Variants in ELF5 observed in about 807,000 individuals in gnomAD.
The protein encoded by ELF5 is ETS-related transcription factor Elf-5.
ELF5 carries 31 observed loss-of-function variants against 38.2 expected under a neutral mutation model. The observed-to-expected ratio is 0.81, with a 90% CI of 0.61 to 1.10. The LOEUF (loss-of-function observed/expected upper bound fraction) is 1.10, where lower values mean the gene tolerates loss of function less well. Among genes scored for constraint, ELF5 ranks in the 50% least tolerant of loss-of-function variants. The pLI, the probability that ELF5 is intolerant of heterozygous loss-of-function variation, is 0.00. For synonymous variants in ELF5, 121 were observed against 112.5 expected (o/e 1.08, Z -0.48); for missense variants, 300 against 306.6 (o/e 0.98, Z 0.16).
intron 1 of ELF5, among the ~76,000 whole-genome samples, chr11:34,506,729 G>T (rs1850621972): frequency 6.6e-6 from 1 of 152,080 alleles, no homozygotes; most frequent in South Asian, 2.1e-4. Flanking sequence ...GGCCAGGCTG[G>T]TCTCGAACTC....
rs12789251 is a variant in ELF5, at chr11:34,493,709, C to T, written c.125G>A (p.Cys42Tyr). 1.2e-6 allele frequency: 2 copies of T among 1,612,884 alleles called. No homozygotes were observed. Among genetic ancestry groups the T allele is most frequent in the Admixed American group, 1.7e-5 (1 of 59,992 alleles). Reference protein sequence around the residue: ...YYPAFEHQTACDSYWTSVHPE... With the variant: ...YYPAFEHQTAYDSYWTSVHPE... ...GTGGACTGATGTCCAGTATGAGTCA[C>T]AGGCTGCACCAAAGGAGAAAGAAGT... The change falls in exon 3 of 7, where the codon TGT becomes TAT. Residue 42 changes from cysteine (C) to tyrosine (Y), a missense_variant. Transcript: ENST00000257832.
Position 34,498,242 on chromosome 11 carries a change from G to A in ELF5, c.122-4530C>T, listed in dbSNP as rs76195254. ...TGGAAAGTACTTAGAACAGGGCCAG[G>A]CATATGGCAAGTGCTCATTAAATAT... On this transcript the variant is annotated intron_variant, in intron 2 of 6. Coordinates refer to ENST00000257832, the MANE Select transcript of ELF5 (RefSeq NM_001422.4). Among the ~76,000 whole-genome samples the A allele has an allele frequency of 7.4e-3, 1,122 of 152,238 alleles. 13 individuals carry two copies. The highest frequency in any genetic ancestry group is 0.024 in the African/African-American group (1,009 of 41,528).
intron 3 of ELF5, among the ~76,000 whole-genome samples, chr11:34,490,882 G>A (rs1392507899): frequency 5.3e-5 from 8 of 152,096 alleles, no homozygotes; most frequent in African/African-American, 1.7e-4. Flanking sequence ...CCAAAGGGCC[G>A]ACTGAGAACA....
chr11:34,480,428 C>A, intron 6 of ELF5, 114 bp from the exon 7 acceptor site: 1 of 840,610 alleles, frequency 1.2e-6, no homozygotes, highest in South Asian at 1.6e-5. Context: ...CTTTGGTTAC[C>A]CTGGTATTTT....
chr11:34,483,792 C>A lies in ELF5; in HGVS notation c.407-1293G>T, dbSNP rs571323311. Among the ~76,000 whole-genome samples the A allele has an allele frequency of 3.3e-3, 504 of 151,956 alleles. 2 individuals carry two copies. The highest frequency in any genetic ancestry group is 3.5e-3 in the Non-Finnish European group (239 of 67,928). On this transcript the variant is annotated intron_variant, in intron 4 of 6. Coordinates refer to ENST00000257832, the MANE Select transcript of ELF5 (RefSeq NM_001422.4). ...TACCATACTAACTATACTGACTGTA[C>A]TGTAGTATACCATGACAACTATACT...
intron 3 of ELF5, among the ~76,000 whole-genome samples, chr11:34,490,345 T>C (rs557250785): frequency 6.6e-6 from 1 of 152,308 alleles, no homozygotes; most frequent in East Asian, 1.9e-4. Flanking sequence ...GAGTAAGCTC[T>C]GGTCTGGGGT....
rs1020875869 is a variant in ELF5 at position 34,504,838 on chromosome 11, G to A, written c.121+791C>T. Among the ~76,000 whole-genome samples, 410 of 152,300 alleles carry A rather than the reference G, an allele frequency of 2.7e-3. 3 individuals are homozygous for A. Among genetic ancestry groups the A allele is most frequent in the African/African-American group, 9.3e-3 (388 of 41,562 alleles). On this transcript the variant is annotated intron_variant, in intron 2 of 6. Transcript: ENST00000257832. ...AAGGTCCCATGCTGCCTTCTCAGGT[G>A]GAGAAATCCAGGCTGAGAAAGAGGA...
rs1856858671 is a variant in ELF5, at chr11:34,478,838, C to G, written c.*1380G>C. 1 of 152,606 alleles carries G rather than the reference C, an allele frequency of 6.6e-6. No individual in the cohort carries two copies. Among genetic ancestry groups the G allele is most frequent in the African/African-American group, 2.4e-5 (1 of 41,436 alleles). The allele number at this position is 152,606 out of a possible 1,614,324, so 9.5% of individuals were successfully genotyped here. On this transcript the variant is annotated 3_prime_UTR_variant, in exon 7 of 7. Transcript: ENST00000257832. ...TCACATTGTTTACAAACTATATCCA[C>G]CTGGAAAACACATGAATCCAAAATA...
Position 34,480,952 on chromosome 11 carries a change from T to C in ELF5, c.491A>G (p.His164Arg). The change falls in exon 6 of 7, where the codon CAT becomes CGT. Residue 164 changes from histidine (H) to arginine (R), a missense_variant. By Grantham distance (29) the His-to-Arg change is conservative. Coordinates refer to ENST00000257832, the MANE Select transcript of ELF5 (RefSeq NM_001422.4). ...CAGGTCTCGTACAAATTCCCATAGA[T>C]GAGAACTTTGGAGGCCTTTTGAAAA... ...SHSRTSLQSS[H>R]LWEFVRDLLL... 3 of 1,611,352 alleles carry C rather than the reference T, an allele frequency of 1.9e-6. No homozygotes were observed. The highest frequency in any genetic ancestry group is 2.5e-6 in the Non-Finnish European group (3 of 1,178,922).
intron 4 of ELF5, among the ~76,000 whole-genome samples, chr11:34,483,605 C>T (rs1055817292): frequency 6.6e-6 from 1 of 151,982 alleles, no homozygotes; most frequent in Non-Finnish European, 1.5e-5. Flanking sequence ...CCACACCATA[C>T]TGTACTATAT....
intron 1 of ELF5, among the ~76,000 whole-genome samples, chr11:34,507,430 G>A (rs1161308538): frequency 6.6e-6 from 1 of 152,262 alleles, no homozygotes; most frequent in Non-Finnish European, 1.5e-5. Flanking sequence ...AGCCAGCGAA[G>A]CTGGGTGGTG....
intron 2 of ELF5, among the ~76,000 whole-genome samples, chr11:34,501,072 G>A (rs947313882): frequency 1.3e-5 from 2 of 152,216 alleles, no homozygotes; most frequent in African/African-American, 2.4e-5. Flanking sequence ...TAAGGCTCAC[G>A]GGTGTGACCC....
At chr11:34,511,815 G>C in intron 1 of ELF5, 2 of 539,576 alleles carry the variant, frequency 3.7e-6, no homozygotes, top group Non-Finnish European at 6.6e-6. Flanking sequence ...CAGTTTGCCA[G>C]AGGAGGAAAA....
intron 1 of ELF5, among the ~76,000 whole-genome samples, chr11:34,512,521 A>G (rs1850786765): frequency 6.6e-6 from 1 of 151,758 alleles, no homozygotes; most frequent in Non-Finnish European, 1.5e-5. Context: ...TTTCATATAG[A>G]TGTGGTATAT....
Position 34,480,114 on chromosome 11 carries a change from G to A in ELF5, c.*104C>T. 1.1e-6 allele frequency: 1 copy of A among 925,978 alleles called. No homozygotes were observed. Among genetic ancestry groups the A allele is most frequent in the Non-Finnish European group, 1.7e-6 (1 of 603,728 alleles). 57.4% of individuals were successfully genotyped at this position (925,978 alleles called of 1,614,324 possible). ...GAGAAATTTTATCAGCATGTTTGCA[G>A]GTTAAAAAAAAAGAGAAGAAAATGA... On this transcript the variant is annotated 3_prime_UTR_variant, in exon 7 of 7. Transcript: ENST00000257832.
intron 1 of ELF5, among the ~76,000 whole-genome samples, chr11:34,509,050 C>G (rs554799791): frequency 9.7e-4 from 147 of 152,310 alleles, no homozygotes; most frequent in African/African-American, 3.4e-3. Context: ...GCATGAGACG[C>G]CGGGTGCGGT....
intron 3 of ELF5, chr11:34,491,975 T>C (rs1683013820): frequency 6.6e-6 from 1 of 152,162 alleles, no homozygotes; most frequent in Non-Finnish European, 1.5e-5. Context: ...CACAAGAGCA[T>C]GGAGACAAAT....
intron 2 of ELF5, among the ~76,000 whole-genome samples, chr11:34,502,064 AGGGAGT>A (rs1041181940): frequency 6.6e-6 from 1 of 152,206 alleles, no homozygotes; most frequent in African/African-American, 2.4e-5. Context: ...TCCACCCAAC[AGGGAGT>A]GGTGAGGAGT....
intron 3 of ELF5, chr11:34,492,183 CTG>C (rs1319056486): frequency 6.6e-6 from 1 of 152,280 alleles, no homozygotes; most frequent in African/African-American, 2.4e-5. Context: ...AGTGCCCACT[CTG>C]AGCACAGGAC....
Sources: gnomAD v4.1 joint callset for allele counts (sites outside exome capture counted in the v4.1 genomes callset) on GRCh38, gnomAD v4.1.1 for gene constraint, MANE v1.5 for transcripts, NCBI Gene and HGNC (gene_info 2026-07-23, HGNC 2026-07-21) for gene names.